The following PARD3 variants were observed in gnomAD, a reference collection of about 807,000 sequenced individuals.
PARD3 encodes partitioning defective 3 homolog.
In PARD3, 75 loss-of-function variants were observed where a neutral mutation model predicts 155.4. That is an observed-to-expected ratio of 0.48 (90% CI 0.40 to 0.58). The LOEUF is 0.58. PARD3 is among the 20% of genes least tolerant of loss of function. PARD3 has a pLI of 0.00. For synonymous variants in PARD3, 576 were observed against 610.5 expected, an observed-to-expected ratio of 0.94 and a Z score of 0.83; for missense variants, 1,642 against 1,721.7, an observed-to-expected ratio of 0.95 and a Z score of 0.82.
chr10:34,751,771 CTTTT>C (rs546186706), intron 1 of PARD3, among the ~76,000 whole-genome samples: 3 of 137,594 alleles, frequency 2.2e-5, no homozygotes, highest in African/African-American at 8.1e-5. Context: ...GCCTGTCTAG[CTTTT>C]TTTTTTTTTT....
In PARD3 at chr10:34,536,927, C is replaced by T. The variant is rs372022881; in HGVS notation, c.223-19768G>A. On this transcript the variant is annotated intron_variant, in intron 2 of 24. Coordinates refer to ENST00000374788, the MANE Select transcript of PARD3 (RefSeq NM_001184785.2). ...TGAGGCCCCTAGGTGGGTAACTGAG[C>T]GAAAGAAAAATTAGGGCTTCAGTGA... is the stretch of plus-strand genomic sequence containing the variant. 2.0e-5 allele frequency among the ~76,000 whole-genome samples: 3 copies of T among 152,184 alleles called. No homozygotes were observed. The East Asian group carries it at 5.8e-4, about 29-fold the overall frequency.
At chr10:34,783,477 G>A (rs6481910) in intron 1 of PARD3, among the ~76,000 whole-genome samples, 10,144 of 151,604 alleles carry the variant, frequency 0.067, 1,132 homozygotes, top group African/African-American at 0.23. Flanking sequence ...GGTGGCGGGC[G>A]CCTGTAATCC....
chr10:34,316,534 C>CT (rs1168894248), intron 20 of PARD3, among the ~76,000 whole-genome samples: 1 of 152,110 alleles, frequency 6.6e-6, no homozygotes, highest in Non-Finnish European at 1.5e-5. Flanking sequence ...CTATTTGTAA[C>CT]TTTTTTTATT....
At chr10:34,771,740 T>C (rs1020294826) in intron 1 of PARD3, among the ~76,000 whole-genome samples, 4 of 152,202 alleles carry the variant, frequency 2.6e-5, no homozygotes, top group Admixed American at 6.5e-5. Context: ...TTCAGGCTGG[T>C]ATACAGAAAA....
chr10:34,807,510 GTC>G (rs1843556986), intron 1 of PARD3, among the ~76,000 whole-genome samples: 3 of 152,074 alleles, frequency 2.0e-5, no homozygotes, highest in Admixed American at 2.0e-4. Context: ...CCCATTCACA[GTC>G]TCCATGACTC....
intron 3 of PARD3, among the ~76,000 whole-genome samples, chr10:34,479,524 T>A (rs1292522647): frequency 1.3e-5 from 2 of 152,128 alleles, no homozygotes; most frequent in Non-Finnish European, 2.9e-5. Context: ...AAATTCTCAA[T>A]GTCAAGGCCT....
chr10:34,534,475 G>C (rs1331995716), intron 2 of PARD3, among the ~76,000 whole-genome samples: 1 of 152,060 alleles, frequency 6.6e-6, no homozygotes, highest in African/African-American at 2.4e-5. Context: ...CTGACTAGTG[G>C]GTGACATTGA....
intron 4 of PARD3, among the ~76,000 whole-genome samples, chr10:34,467,283 T>G (rs1230363463): frequency 6.6e-6 from 1 of 151,826 alleles, no homozygotes; most frequent in East Asian, 1.9e-4. Context: ...AAAAATAATG[T>G]TGAAATAATC....
chr10:34,727,627 T>C (rs2094738679), intron 1 of PARD3, among the ~76,000 whole-genome samples: 1 of 152,136 alleles, frequency 6.6e-6, no homozygotes, highest in African/African-American at 2.4e-5. Context: ...TACATAATGA[T>C]TTATAGGCAC....
intron 2 of PARD3, among the ~76,000 whole-genome samples, chr10:34,558,622 T>C (rs1350156096): frequency 6.6e-6 from 1 of 152,174 alleles, no homozygotes; most frequent in African/African-American, 2.4e-5. Context: ...TTTACTCCAA[T>C]TATTAATTAC....
chr10:34,352,373 C>T (rs1039083046), intron 14 of PARD3, among the ~76,000 whole-genome samples: 6 of 152,174 alleles, frequency 3.9e-5, no homozygotes, highest in African/African-American at 1.4e-4. Context: ...CCTCCACTTT[C>T]CATGGTCTCC....
chr10:34,592,060 C>T (rs1304501485), intron 2 of PARD3, among the ~76,000 whole-genome samples: 6 of 152,174 alleles, frequency 3.9e-5, no homozygotes, highest in Non-Finnish European at 4.4e-5. Flanking sequence ...AAATTTCTTT[C>T]CTAAACCTTC....
chr10:34,227,535 G>A lies in PARD3; in HGVS notation c.3419+42122C>T, dbSNP rs919992462. Among the ~76,000 whole-genome samples, 35 of 152,184 alleles carry A rather than the reference G, an allele frequency of 2.3e-4. 1 individual carries two copies. The highest frequency in any genetic ancestry group is 3.9e-4 in the Admixed American group (6 of 15,284). ...TGCCTGTAATCCCAGCTACTCAGGA[G>A]GCTGAGGCAAGAGAAGCGCTTGAAC... On this transcript the variant is annotated intron_variant, in intron 22 of 24. Coordinates refer to ENST00000374788, the MANE Select transcript of PARD3 (RefSeq NM_001184785.2).
At position 34,750,782 on chromosome 10, in the gene PARD3, G is replaced by A. The variant is rs768169159; in HGVS notation, c.121-54363C>T. ...TGGCTCATTGCAACCTCCGCCCCCC[G>A]GGTTCAAGTGATTCTCCTGCCTCGG... On this transcript the variant is annotated intron_variant, in intron 1 of 24. Coordinates refer to ENST00000374788, the MANE Select transcript of PARD3 (RefSeq NM_001184785.2). Among the ~76,000 whole-genome samples, 88 of 149,718 alleles carry A rather than the reference G, an allele frequency of 5.9e-4. 2 individuals are homozygous for A. The highest frequency in any genetic ancestry group is 1.2e-3 in the Non-Finnish European group (78 of 67,776).
chr10:34,742,485 G>A lies in PARD3; in HGVS notation c.121-46066C>T, dbSNP rs150063938. Among the ~76,000 whole-genome samples, 47 of 152,308 alleles carry A rather than the reference G, an allele frequency of 3.1e-4. 1 individual carries two copies. The East Asian group carries it at 7.1e-3, about 23-fold the overall frequency. Reference sequence around the variant, plus strand: ...CAACACGGCTCCCAGGGGTGGTCCCGTCTCACAGACCCTACAGGCCAAGTT... The same window carrying A: ...CAACACGGCTCCCAGGGGTGGTCCCATCTCACAGACCCTACAGGCCAAGTT... On this transcript the variant is annotated intron_variant, in intron 1 of 24. Transcript: ENST00000374788.
At chr10:34,147,980 T>C (rs1398603012) in intron 22 of PARD3, among the ~76,000 whole-genome samples, 2 of 152,150 alleles carry the variant, frequency 1.3e-5, no homozygotes, top group Non-Finnish European at 2.9e-5. Flanking sequence ...CCAAGCAGAT[T>C]GGAACACTGC....
chr10:34,225,230 A>G (rs1251050041), intron 22 of PARD3, among the ~76,000 whole-genome samples: 1 of 152,214 alleles, frequency 6.6e-6, no homozygotes, highest in African/African-American at 2.4e-5. Flanking sequence ...AGTAGGAGGA[A>G]GCTGTATCAG....
At chr10:34,353,266 C>G (rs530374334) in intron 14 of PARD3, among the ~76,000 whole-genome samples, 17 of 152,164 alleles carry the variant, frequency 1.1e-4, no homozygotes, top group Non-Finnish European at 2.1e-4. Context: ...GCAGTTTTGT[C>G]GAGTAGAAAA....
Position 34,586,074 on chromosome 10 carries a change from GA to G in PARD3, c.223-68916del, listed in dbSNP as rs199523212. 8.2e-5 allele frequency among the ~76,000 whole-genome samples: 12 copies of G among 146,380 alleles called. No homozygotes were observed. The South Asian group carries it at 1.3e-3, about 16-fold the overall frequency. The stretch of plus-strand genomic sequence containing the variant: ...TCCTGTAACATTCAAATATCCATGA[GA>G]AAAAAAAAAGTAAGTCATATCAAGT... On this transcript the variant is annotated intron_variant, in intron 2 of 24. Transcript: ENST00000374788.
Sources: gnomAD v4.1 joint callset for allele counts (sites outside exome capture counted in the v4.1 genomes callset) on GRCh38, gnomAD v4.1.1 for gene constraint, MANE v1.5 for transcripts, NCBI Gene and HGNC (gene_info 2026-07-23, HGNC 2026-07-21) for gene names.